The following HHAT variants were observed in gnomAD, a reference collection of about 807,000 sequenced individuals.
HHAT encodes hedgehog acyltransferase, also known as protein-cysteine N-palmitoyltransferase HHAT.
In HHAT, 47 loss-of-function variants were observed where a neutral mutation model predicts 70.8. That is an observed-to-expected ratio of 0.66 (90% CI 0.53 to 0.85). The LOEUF is 0.85. Among genes scored for constraint, HHAT ranks in the 40% least tolerant of loss-of-function variants. HHAT has a pLI of 0.00. For synonymous variants in HHAT, 228 were observed against 247.6 expected (o/e 0.92, Z 0.74); for missense variants, 609 against 604.8 (o/e 1.01, Z -0.07).
chr1:210,329,781 C>T (rs544865791), intron 1 of HHAT, among the ~76,000 whole-genome samples: 1 of 152,304 alleles, frequency 6.6e-6, no homozygotes, highest in East Asian at 1.9e-4. Flanking sequence ...GAGTTTCGCT[C>T]TGGTCGCCCA....
chr1:210,644,738 A>G (rs993890998), intron 11 of HHAT, among the ~76,000 whole-genome samples: 1 of 152,128 alleles, frequency 6.6e-6, no homozygotes, highest in African/African-American at 2.4e-5. Context: ...TATGGTATAC[A>G]TTGGCACTTT....
intron 8 of HHAT, among the ~76,000 whole-genome samples, chr1:210,504,343 T>G (rs935282917): frequency 6.6e-6 from 1 of 152,232 alleles, no homozygotes; most frequent in African/African-American, 2.4e-5. Flanking sequence ...GTAGAATGTT[T>G]TTGAAGCATT....
At chr1:210,461,585 A>T (rs1230965173) in intron 7 of HHAT, among the ~76,000 whole-genome samples, 1 of 152,086 alleles carries the variant, frequency 6.6e-6, no homozygotes, top group East Asian at 1.9e-4. Flanking sequence ...TACAGGCGTG[A>T]GCCACCGTGC....
chr1:210,536,894 A>G (rs573188837), intron 9 of HHAT, among the ~76,000 whole-genome samples: 3 of 152,270 alleles, frequency 2.0e-5, no homozygotes, highest in Non-Finnish European at 4.4e-5. Context: ...TCCCCCAGAA[A>G]TGACAATAAA....
intron 2 of HHAT, among the ~76,000 whole-genome samples, chr1:210,357,792 C>G (rs969279695): frequency 1.3e-5 from 2 of 152,142 alleles, no homozygotes; most frequent in African/African-American, 4.8e-5. Context: ...TGCACTCCAG[C>G]CTGGGCGACA....
chr1:210,466,896 C>G (rs4489559), intron 8 of HHAT, among the ~76,000 whole-genome samples: 1 of 152,156 alleles, frequency 6.6e-6, no homozygotes, highest in African/African-American at 2.4e-5. Flanking sequence ...CCCCAGGCTG[C>G]TGAAACAGTC....
chr1:210,462,336 A>G lies in HHAT; in HGVS notation c.857-2169A>G, dbSNP rs370888072. On this transcript the variant is annotated intron_variant, in intron 7 of 11. Coordinates refer to ENST00000261458, the MANE Select transcript of HHAT (RefSeq NM_018194.6). ...GAAGCATTGTGCGCTTTAATCAGTC[A>G]TTCTTACTTTTATGTCCTGCCATCT... 9.8e-5 allele frequency: 15 copies of G among 152,290 alleles called. No individual in the cohort carries two copies. In the East Asian group the frequency reaches 2.5e-3, roughly 25 times the overall value. 9.4% of individuals were successfully genotyped at this position (152,290 alleles called of 1,614,324 possible). A position where few individuals can be genotyped will look rare whatever the true frequency, so the allele number is the denominator to read the frequency against.
chr1:210,363,816 A>C (rs2088618043), intron 3 of HHAT, among the ~76,000 whole-genome samples: 1 of 152,230 alleles, frequency 6.6e-6, no homozygotes, highest in Non-Finnish European at 1.5e-5. Context: ...AATAGATTAC[A>C]GATTCAATCA....
At chr1:210,632,892 G>A (rs564473344) in intron 11 of HHAT, among the ~76,000 whole-genome samples, 2 of 152,270 alleles carry the variant, frequency 1.3e-5, no homozygotes, top group East Asian at 1.9e-4. Flanking sequence ...AGGGACCCAG[G>A]CGGCCATGGG....
intron 5 of HHAT, among the ~76,000 whole-genome samples, chr1:210,403,352 G>C (rs1156403415): frequency 6.6e-6 from 1 of 152,208 alleles, no homozygotes; most frequent in Non-Finnish European, 1.5e-5. Context: ...TGTACAAACA[G>C]AATCTAATTC....
intron 7 of HHAT, among the ~76,000 whole-genome samples, chr1:210,464,280 A>G (rs2094047932): frequency 6.6e-6 from 1 of 152,182 alleles, no homozygotes; most frequent in African/African-American, 2.4e-5. Context: ...ATGACTCCTA[A>G]GAGGTCCTCT....
intron 10 of HHAT, among the ~76,000 whole-genome samples, chr1:210,591,861 C>T (rs761399091): frequency 6.6e-6 from 1 of 152,068 alleles, no homozygotes; most frequent in Non-Finnish European, 1.5e-5. Flanking sequence ...GATCTTTGCC[C>T]ATTTCTTAAT....
intron 9 of HHAT, among the ~76,000 whole-genome samples, chr1:210,557,106 G>A (rs75109825): frequency 0.038 from 5,814 of 152,250 alleles, 352 homozygotes; most frequent in African/African-American, 0.13. Flanking sequence ...GGTGCCAAAG[G>A]CTCACAGGTG....
chr1:210,482,993 T>C (rs980320260), intron 8 of HHAT, among the ~76,000 whole-genome samples: 4 of 152,252 alleles, frequency 2.6e-5, no homozygotes, highest in Non-Finnish European at 5.9e-5. Context: ...GATACTATGC[T>C]GTATAAACAT....
chr1:210,623,862 G>C (rs1055895976), intron 11 of HHAT, among the ~76,000 whole-genome samples, 192 bp downstream of exon 11: 2 of 151,962 alleles, frequency 1.3e-5, no homozygotes, highest in African/African-American at 4.8e-5. Flanking sequence ...TGTTTTTGAG[G>C]TACCCCATAT....
At chr1:210,569,399 A>AAAAAAAAAAAAAAAAAAAAAAC (rs1558182185) in intron 9 of HHAT, among the ~76,000 whole-genome samples, 1 of 148,368 alleles carries the variant, frequency 6.7e-6, no homozygotes. Flanking sequence ...AAAAAAAAAA[A>AAAAAAAAAAAAAAAAAAAAAAC]GCGTATAGCA....
At chr1:210,557,858 A>T (rs2095586809) in intron 9 of HHAT, among the ~76,000 whole-genome samples, 1 of 152,172 alleles carries the variant, frequency 6.6e-6, no homozygotes, top group African/African-American at 2.4e-5. Flanking sequence ...GTCAAGGAAG[A>T]AGTGGGCAAG....
intron 9 of HHAT, among the ~76,000 whole-genome samples, chr1:210,531,154 T>A (rs2095310563): frequency 6.6e-6 from 1 of 152,224 alleles, no homozygotes. Flanking sequence ...TGTAATATGA[T>A]GTAGGTACTC....
chr1:210,363,029 A>G, intron 3 of HHAT, 110 bp downstream of exon 3: 1 of 919,718 alleles, frequency 1.1e-6, no homozygotes, highest in Admixed American at 1.9e-5. Context: ...GCAATCTGGA[A>G]TGAAGCACCC....
Sources: gnomAD v4.1 joint callset for allele counts (sites outside exome capture counted in the v4.1 genomes callset) on GRCh38, gnomAD v4.1.1 for gene constraint, MANE v1.5 for transcripts, NCBI Gene and HGNC (gene_info 2026-07-23, HGNC 2026-07-21) for gene names.